The following BRAF variants were observed in gnomAD, a reference collection of about 807,000 sequenced individuals.
BRAF encodes serine/threonine-protein kinase B-raf.
Under a neutral mutation model 104.6 loss-of-function variants are expected in BRAF, and 16 were observed. The observed-to-expected ratio is 0.15, with a 90% CI of 0.10 to 0.23. The LOEUF is 0.23. Ranked by LOEUF, BRAF falls within the 10% of genes least tolerant of loss-of-function variation. The pLI is 1.00. For missense variants in BRAF, 541 were observed against 937.3 expected (o/e 0.58, Z 5.52); for synonymous variants, 310 against 341.6 (o/e 0.91, Z 1.02).
rs1374785778 is a variant in BRAF at position 140,785,703 on chromosome 7, C to A, written c.1283G>T (p.Gly428Val). Residue 428 changes from glycine (G) to valine (V), a missense_variant, in exon 10 of 20, where the codon GGC (glycine) becomes GTC (valine). Coordinates refer to ENST00000644969, the MANE Select transcript of BRAF (RefSeq NM_001374258.1). ...PSEIVFDFEPGPVFRGSTTGL... is the reference protein window; with the variant it reads ...PSEIVFDFEPVPVFRGSTTGL... ...AGCCCAACTACCTCTGAACACTGGGCCAGGCTCAAAATCAAACACTATTTC... is the reference window on the plus strand; with the variant it reads ...AGCCCAACTACCTCTGAACACTGGGACAGGCTCAAAATCAAACACTATTTC... 2.5e-6 allele frequency: 1 copy of A among 399,030 alleles called. No individual in the cohort carries two copies. 24.7% of individuals were successfully genotyped at this position (399,030 alleles called of 1,614,324 possible). A position where few individuals can be genotyped will look rare whatever the true frequency, so the allele number is the denominator to read the frequency against.
At chr7:140,816,975 G>GAA (rs922471111) in intron 3 of BRAF, among the ~76,000 whole-genome samples, 1 of 141,330 alleles carries the variant, frequency 7.1e-6, no homozygotes, top group Non-Finnish European at 1.5e-5. Flanking sequence ...TTGGATAAGA[G>GAA]AAAAAAAAAA....
chr7:140,773,238 C>A (rs1045955270), intron 14 of BRAF: 3 of 152,154 alleles, frequency 2.0e-5, no homozygotes, highest in Non-Finnish European at 4.4e-5. Context: ...TCCAGCGATA[C>A]TCTTACTTAG....
chr7:140,899,099 C>A (rs1051274853), intron 1 of BRAF, among the ~76,000 whole-genome samples: 1 of 152,054 alleles, frequency 6.6e-6, no homozygotes, highest in African/African-American at 2.4e-5. Context: ...TATGAGCAAT[C>A]TTATATATAT....
intron 19 of BRAF, chr7:140,734,327 C>G: frequency 7.7e-7 from 1 of 1,290,960 alleles, no homozygotes; most frequent in Non-Finnish European, 9.9e-7. Context: ...GTGAATGATA[C>G]AAACCCGGAA....
At chr7:140,837,874 T>C (rs1807511926) in intron 2 of BRAF, among the ~76,000 whole-genome samples, 1 of 152,196 alleles carries the variant, frequency 6.6e-6, no homozygotes, top group South Asian at 2.1e-4. Context: ...CTTCTTTATC[T>C]ACAAAATTCT....
intron 14 of BRAF, among the ~76,000 whole-genome samples, chr7:140,762,391 T>C (rs1211653145): frequency 2.0e-5 from 3 of 152,092 alleles, no homozygotes; most frequent in African/African-American, 7.2e-5. Context: ...TTCAAAGCAG[T>C]GTGTAGAGGG....
At chr7:140,763,238 T>TGACCCCCCAACC (rs1335083634) in intron 14 of BRAF, among the ~76,000 whole-genome samples, 3 of 150,526 alleles carry the variant, frequency 2.0e-5, no homozygotes, top group African/African-American at 7.4e-5. Flanking sequence ...GGCGGGGGGC[T>TGACCCCCCAACC]GACCCCCCAA....
chr7:140,796,852 AGAGT>A (rs1490260374), intron 7 of BRAF, among the ~76,000 whole-genome samples: 25 of 152,338 alleles, frequency 1.6e-4, no homozygotes, highest in African/African-American at 5.5e-4. Context: ...TTACAAAAGA[AGAGT>A]GAGTGGTGGC....
At position 140,723,437 on chromosome 7, in the gene BRAF, TCAAATA is replaced by T; in HGVS notation, c.*3051_*3056del. The T allele has an allele frequency of 9.5e-7, 1 of 1,054,708 alleles. No homozygotes were observed. Among genetic ancestry groups the T allele is most frequent in the Non-Finnish European group, 1.1e-6 (1 of 872,862 alleles). The allele number at this position is 1,054,708 out of a possible 1,614,324, so 65.3% of individuals were successfully genotyped here. A position where few individuals can be genotyped will look rare whatever the true frequency, so the allele number is the denominator to read the frequency against. On this transcript the variant is annotated 3_prime_UTR_variant, in exon 20 of 20. Coordinates refer to ENST00000644969, the MANE Select transcript of BRAF (RefSeq NM_001374258.1). ...ATGCCCCAGTATGCCCTACTAGATC[TCAAATA>T]CAATCAGGGGTGAGATATTCGGGAA...
At chr7:140,874,565 C>T (rs1316458371) in intron 1 of BRAF, among the ~76,000 whole-genome samples, 2 of 138,544 alleles carry the variant, frequency 1.4e-5, no homozygotes, top group African/African-American at 5.3e-5. Context: ...AAAGAAATAA[C>T]ATTCAAAGAT....
At chr7:140,802,292 C>CTTT (rs144953895) in intron 5 of BRAF, among the ~76,000 whole-genome samples, 46 of 103,300 alleles carry the variant, frequency 4.5e-4, no homozygotes, top group Admixed American at 6.3e-4. Context: ...ATGTTTGTGT[C>CTTT]TTTTTTTTTT....
intron 1 of BRAF, among the ~76,000 whole-genome samples, chr7:140,901,310 A>G (rs1815603024): frequency 6.6e-6 from 1 of 152,220 alleles, no homozygotes; most frequent in Non-Finnish European, 1.5e-5. Flanking sequence ...AGATACCACT[A>G]CAAGTGGATC....
chr7:140,879,040 A>G (rs1296422114), intron 1 of BRAF, among the ~76,000 whole-genome samples: 1 of 151,732 alleles, frequency 6.6e-6, no homozygotes, highest in Non-Finnish European at 1.5e-5. Flanking sequence ...ATGCCCAGCT[A>G]ATTTTTTTTG....
intron 1 of BRAF, among the ~76,000 whole-genome samples, chr7:140,853,902 T>G (rs1433403544): frequency 1.3e-5 from 2 of 152,200 alleles, no homozygotes; most frequent in African/African-American, 4.8e-5. Context: ...GTCTTATTTT[T>G]TCTGATTTAT....
intron 1 of BRAF, among the ~76,000 whole-genome samples, chr7:140,875,499 C>T (rs1173654286): frequency 6.6e-6 from 1 of 152,216 alleles, no homozygotes; most frequent in East Asian, 1.9e-4. Context: ...CCTCAGCCTT[C>T]CTAGAAGCTG....
rs539726052 is a variant in BRAF, at chr7:140,758,769, G to T, written c.1815-4536C>A. Among the ~76,000 whole-genome samples, 10 of 152,336 alleles carry T rather than the reference G, an allele frequency of 6.6e-5. No homozygotes were observed. In the South Asian group the frequency reaches 2.1e-3, roughly 32 times the overall value. On this transcript the variant is annotated intron_variant, in intron 14 of 19. Transcript: ENST00000644969. ...CAGGTATTTTTCACTTTTAAAAACT[G>T]AAATTTACTGAGGTACAGTTTACAC...
chr7:140,777,326 C>T (rs923181976), intron 13 of BRAF, among the ~76,000 whole-genome samples: 3 of 152,044 alleles, frequency 2.0e-5, no homozygotes, highest in Non-Finnish European at 2.9e-5. Flanking sequence ...TGCTTAAATA[C>T]CTTCAACTAT....
intron 1 of BRAF, among the ~76,000 whole-genome samples, chr7:140,856,960 T>C (rs1326484666): frequency 6.6e-6 from 1 of 151,802 alleles, no homozygotes; most frequent in Non-Finnish European, 1.5e-5. Flanking sequence ...AGAAGTAATA[T>C]CAAAGAAAGA....
chr7:140,720,541 TAAAAA>T lies in BRAF; in HGVS notation c.*5948_*5952del. ...AAATGTATTAGGAAGGAATGATTCTTAAAAAAACCGTTCACAGCTTAGAATAAAAA... is the reference window on the plus strand; with the variant it reads ...AAATGTATTAGGAAGGAATGATTCTTAACCGTTCACAGCTTAGAATAAAAA... On this transcript the variant is annotated 3_prime_UTR_variant, in exon 20 of 20. Transcript: ENST00000644969. 9.4e-7 allele frequency: 1 copy of T among 1,065,302 alleles called. No homozygotes were observed. Among genetic ancestry groups the T allele is most frequent in the African/African-American group, 1.6e-5 (1 of 61,174 alleles). The allele number at this position is 1,065,302 out of a possible 1,614,324, so 66.0% of individuals were successfully genotyped here.
Sources: allele counts gnomAD v4.1 joint callset (sites outside exome capture counted in the v4.1 genomes callset), GRCh38; gene constraint gnomAD v4.1.1; transcripts MANE v1.5; gene names NCBI Gene and HGNC (gene_info 2026-07-23, HGNC 2026-07-21).